Variants in HAUS7 observed in about 807,000 individuals in gnomAD.
HAUS7 encodes the protein HAUS augmin-like complex subunit 7.
A neutral mutation model predicts 28.4 loss-of-function variants in HAUS7; 3 were observed. The ratio of observed to expected loss-of-function variants is 0.11; its 90% CI spans 0.05 to 0.27. The LOEUF (loss-of-function observed/expected upper bound fraction) is 0.27. HAUS7 is among the 10% of genes least tolerant of loss of function. The pLI, the probability that HAUS7 is intolerant of heterozygous loss-of-function variation, is 1.00. For synonymous variants in HAUS7, 165 were observed against 132.1 expected (o/e 1.25, Z -1.71); for missense variants, 284 against 297.3 (o/e 0.96, Z 0.33).
At chrX:153,495,300 G>C (rs1321484680) in intron 1 of HAUS7, 3 of 111,958 alleles carry the variant, frequency 2.7e-5, no homozygotes, top group African/African-American at 9.8e-5. Context: ...CTTGGTCCCT[G>C]TCAGGCTTCT....
rs188021392 is a variant in HAUS7, at chrX:153,490,246, G to A, written c.-589+5128C>T. ...CCCAGACCATGCCTCTCTAAAGATA[G>A]CTAGACGCAGGCCAGGCCTCCCCGG... On this transcript the variant is annotated intron_variant, in intron 1 of 5. Transcript: ENST00000370210. Among the ~76,000 whole-genome samples, 407 of 113,100 alleles carry A rather than the reference G, an allele frequency of 3.6e-3. 2 individuals are homozygous for A. Among genetic ancestry groups the A allele is most frequent in the African/African-American group, 0.012 (385 of 31,249 alleles).
At chrX:153,480,999 C>T (rs945251328) in intron 1 of HAUS7, 153 of 753,892 alleles carry the variant, frequency 2.0e-4, no homozygotes, top group Non-Finnish European at 1.8e-4. Context: ...CAGGAGGCCC[C>T]CCAAAGGTGA....
Position 153,469,316 on chromosome X carries a change from CATTTT to C in HAUS7, c.109-60_109-56del. ...CTGAAAGTCCCAGTGTACATCATTT[CATTTT>C]ATTTATTTATTTATTTTTGAGACGG... On this transcript the variant is annotated intron_variant, in intron 1 of 9. Transcript: ENST00000370211. 2.0e-5 allele frequency: 11 copies of C among 556,815 alleles called. No homozygotes were observed. In the Admixed American group the frequency reaches 2.5e-4, roughly 13 times the overall value. 45.9% of individuals were successfully genotyped at this position (556,815 alleles called of 1,213,427 possible).
chrX:153,456,988 G>C (rs1416625353), intron 5 of HAUS7, 149 bp downstream of exon 5: 4 of 473,612 alleles, frequency 8.4e-6, no homozygotes, highest in Non-Finnish European at 1.5e-5. Flanking sequence ...ATGCTGCCCG[G>C]CCCCTGATTG....
At chrX:153,483,687 C>G (rs2089616324) in intron 1 of HAUS7, among the ~76,000 whole-genome samples, 1 of 111,908 alleles carries the variant, frequency 8.9e-6, no homozygotes, top group African/African-American at 3.3e-5. Context: ...TCAGTCACCA[C>G]AGACTCTTCC....
chrX:153,482,687 G>A (rs964140331), intron 1 of HAUS7: 168 of 755,155 alleles, frequency 2.2e-4, no homozygotes, highest in Non-Finnish European at 2.6e-4. Flanking sequence ...CTCTGCAATG[G>A]CTCACCGCAC....
At chrX:153,464,941 A>T (rs782392025) in intron 3 of HAUS7, 47 bp downstream of exon 3, 1 of 880,235 alleles carries the variant, frequency 1.1e-6, no homozygotes, top group African/African-American at 2.0e-5. Flanking sequence ...CCACCACTCC[A>T]TAAGGAGGCT....
intron 9 of HAUS7, among the ~76,000 whole-genome samples, chrX:153,451,948 C>T (rs1288194506): frequency 1.8e-5 from 2 of 111,959 alleles, no homozygotes; most frequent in Non-Finnish European, 3.8e-5. Flanking sequence ...ACATGAATGA[C>T]GACACATTTA....
intron 1 of HAUS7, 133 bp from the exon 2 acceptor site, chrX:153,469,394 C>T (rs1382755639): frequency 4.0e-5 from 15 of 379,354 alleles, no homozygotes; most frequent in South Asian, 2.1e-4. Flanking sequence ...GGCATGATCT[C>T]GGCTCACTGC....
intron 1 of HAUS7, among the ~76,000 whole-genome samples, chrX:153,484,806 G>A (rs1002995951): frequency 8.8e-6 from 1 of 113,238 alleles, no homozygotes; most frequent in Admixed American, 9.3e-5. Flanking sequence ...GCAGGGGGCT[G>A]GCGGCCAGTC....
At chrX:153,485,678 G>A (rs1049399627) in intron 1 of HAUS7, 51 of 549,425 alleles carry the variant, frequency 9.3e-5, no homozygotes, top group East Asian at 1.5e-4. Flanking sequence ...CCCCACGCTC[G>A]TCTTGGGAGT....
intron 5 of HAUS7, 68 bp downstream of exon 5, chrX:153,457,068 TA>T (rs1602932220): frequency 2.8e-6 from 2 of 720,834 alleles, no homozygotes; most frequent in Non-Finnish European, 4.4e-6. Context: ...CCCCAGCCCC[TA>T]CCAGCTCCAG....
chrX:153,490,682 C>A (rs951243022), intron 1 of HAUS7, among the ~76,000 whole-genome samples: 1 of 112,747 alleles, frequency 8.9e-6, no homozygotes, highest in African/African-American at 3.2e-5. Flanking sequence ...CCACTCAAGG[C>A]CATAAACTTG....
intron 1 of HAUS7, among the ~76,000 whole-genome samples, chrX:153,475,648 A>G (rs2089557942): frequency 8.9e-6 from 1 of 112,477 alleles, no homozygotes; most frequent in Non-Finnish European, 1.9e-5. Flanking sequence ...CTGCAGGCGC[A>G]TGTCCCCAGA....
chrX:153,470,723 A>T, upstream of HAUS7: 1 of 694,406 alleles, frequency 1.4e-6, no homozygotes, highest in Non-Finnish European at 2.1e-6. Flanking sequence ...CCGGGCTCCC[A>T]CCCCCCGCCC....
chrX:153,457,978 T>A (rs1276589454), intron 4 of HAUS7, among the ~76,000 whole-genome samples: 1 of 113,297 alleles, frequency 8.8e-6, no homozygotes, highest in Non-Finnish European at 1.9e-5. Context: ...TGGCATGAAA[T>A]GCCACCGGGA....
At chrX:153,468,972 C>T (rs1219412737) in intron 2 of HAUS7, among the ~76,000 whole-genome samples, 174 bp downstream of exon 2, 2 of 113,173 alleles carry the variant, frequency 1.8e-5, no homozygotes, top group East Asian at 5.5e-4. Context: ...TTGATCATGC[C>T]TGTCACCAGT....
chrX:153,468,645 G>A (rs1050717579), intron 2 of HAUS7, among the ~76,000 whole-genome samples: 2 of 112,337 alleles, frequency 1.8e-5, no homozygotes, highest in African/African-American at 3.2e-5. Flanking sequence ...ACTGGGAAAC[G>A]GGTCACGGCA....
chrX:153,493,876 C>T (rs1428903073), intron 1 of HAUS7, among the ~76,000 whole-genome samples: 1 of 112,246 alleles, frequency 8.9e-6, no homozygotes, highest in Non-Finnish European at 1.9e-5. Flanking sequence ...TGTCCTCTCT[C>T]CATTGGATGC....
Sources: allele counts gnomAD v4.1 joint callset (sites outside exome capture counted in the v4.1 genomes callset), GRCh38; gene constraint gnomAD v4.1.1; transcripts MANE v1.5; gene names NCBI Gene and HGNC (gene_info 2026-07-23, HGNC 2026-07-21).